OXCT1: variants seen among roughly 807,000 people sequenced by gnomAD.
OXCT1 encodes succinyl-CoA:3-ketoacid coenzyme A transferase 1, mitochondrial.
In OXCT1, 27 loss-of-function variants were observed where a neutral mutation model predicts 69.6. That is an observed-to-expected ratio of 0.39 (90% CI 0.29 to 0.54). The LOEUF (loss-of-function observed/expected upper bound fraction) is 0.54. Among genes scored for constraint, OXCT1 ranks in the 20% least tolerant of loss-of-function variants. The probability of loss-of-function intolerance (pLI) is 0.72; values close to 1 mark genes in which losing one functional copy is unlikely to be tolerated. For missense variants in OXCT1, 437 were observed against 650.2 expected (o/e 0.67, Z 3.57); for synonymous variants, 202 against 217.8 (o/e 0.93, Z 0.64).
rs1742579077 is a variant in OXCT1 at position 41,730,739 on chromosome 5, A to C, written c.*990T>G. On this transcript the variant is annotated 3_prime_UTR_variant, in exon 17 of 17. Coordinates refer to ENST00000196371, the MANE Select transcript of OXCT1 (RefSeq NM_000436.4). ...TCAAATCCTAGACTTGTCCAACATT[A>C]TTTTCCCTAGTTGGATAAGGCTGAA... The C allele has an allele frequency of 6.6e-6, 1 of 152,106 alleles. No individual in the cohort carries two copies. The highest frequency in any genetic ancestry group is 2.1e-4 in the South Asian group (1 of 4,830). 9.4% of individuals were successfully genotyped at this position (152,106 alleles called of 1,614,324 possible).
intron 13 of OXCT1, among the ~76,000 whole-genome samples, chr5:41,790,606 G>A (rs894342794): frequency 6.6e-6 from 1 of 152,116 alleles, no homozygotes; most frequent in African/African-American, 2.4e-5. Flanking sequence ...TCATGATGCT[G>A]AGAACTCATG....
intron 1 of OXCT1, among the ~76,000 whole-genome samples, chr5:41,866,641 G>A (rs1399937949): frequency 6.6e-6 from 1 of 152,200 alleles, no homozygotes; most frequent in Non-Finnish European, 1.5e-5. Context: ...ACCAAAGGTA[G>A]AATTTTCACC....
intron 7 of OXCT1, among the ~76,000 whole-genome samples, chr5:41,835,619 A>T (rs1313268840): frequency 1.3e-5 from 2 of 152,224 alleles, no homozygotes; most frequent in Non-Finnish European, 2.9e-5. Flanking sequence ...CCACAATATA[A>T]ATACAATAAA....
At chr5:41,851,621 A>G (rs1185888610) in intron 4 of OXCT1, among the ~76,000 whole-genome samples, 2 of 152,072 alleles carry the variant, frequency 1.3e-5, no homozygotes, top group East Asian at 3.9e-4. Flanking sequence ...CCTAGCCTTC[A>G]GGCTGCAAAA....
intron 13 of OXCT1, among the ~76,000 whole-genome samples, chr5:41,775,981 G>C (rs1235821257): frequency 6.6e-6 from 1 of 152,026 alleles, no homozygotes; most frequent in Non-Finnish European, 1.5e-5. Flanking sequence ...AACGAAGTAG[G>C]GAAGGGAAAA....
At chr5:41,751,811 G>C (rs1360333866) in intron 14 of OXCT1, among the ~76,000 whole-genome samples, 1 of 152,072 alleles carries the variant, frequency 6.6e-6, no homozygotes, top group East Asian at 1.9e-4. Flanking sequence ...AAACCATATG[G>C]CTCTCCTAAG....
chr5:41,862,335 G>A (rs1480880153), intron 2 of OXCT1, among the ~76,000 whole-genome samples: 1 of 152,040 alleles, frequency 6.6e-6, no homozygotes, highest in Non-Finnish European at 1.5e-5. Context: ...TTGGGATCTA[G>A]GGATTTTTTT....
chr5:41,767,725 T>TAG, intron 13 of OXCT1, among the ~76,000 whole-genome samples: 1 of 87,198 alleles, frequency 1.1e-5, no homozygotes, highest in South Asian at 3.7e-4. Context: ...TGTGTGTGTA[T>TAG]ATATATATAT....
At chr5:41,810,119 T>G (rs989156003) in intron 7 of OXCT1, among the ~76,000 whole-genome samples, 1 of 151,942 alleles carries the variant, frequency 6.6e-6, no homozygotes, top group Non-Finnish European at 1.5e-5. Flanking sequence ...ACTATCTTAA[T>G]GCTAGCTATT....
At chr5:41,856,880 T>G (rs569113601) in intron 3 of OXCT1, among the ~76,000 whole-genome samples, 1 of 152,296 alleles carries the variant, frequency 6.6e-6, no homozygotes, top group East Asian at 1.9e-4. Flanking sequence ...AAGGGCTGTC[T>G]TCCCATTACT....
At chr5:41,755,346 G>C (rs917723585) in intron 14 of OXCT1, among the ~76,000 whole-genome samples, 2 of 151,962 alleles carry the variant, frequency 1.3e-5, no homozygotes, top group African/African-American at 4.8e-5. Flanking sequence ...ACCATGTAAG[G>C]ATTTATAGTT....
chr5:41,813,466 A>G (rs1747083076), intron 7 of OXCT1, among the ~76,000 whole-genome samples: 1 of 152,122 alleles, frequency 6.6e-6, no homozygotes, highest in Non-Finnish European at 1.5e-5. Flanking sequence ...GAAAGATTCC[A>G]TGGAATTATT....
In OXCT1 at chr5:41,870,307, G is replaced by T. The variant is rs765620533; in HGVS notation, c.52C>A (p.Arg18Ser). 6.2e-7 allele frequency: 1 copy of T among 1,613,908 alleles called. No individual in the cohort carries two copies. Among genetic ancestry groups the T allele is most frequent in the Admixed American group, 1.7e-5 (1 of 60,026 alleles). Reference sequence around the variant, plus strand: ...TTGTACCAGGTTGCCCCAGATCCGCGGGCAGAGGCGCAGAGCCGAAGCCCG... The same window carrying T: ...TTGTACCAGGTTGCCCCAGATCCGCTGGCAGAGGCGCAGAGCCGAAGCCCG... Reference protein sequence around the residue: ...SSGLRLCASARGSGATWYKGC... With the variant: ...SSGLRLCASASGSGATWYKGC... Residue 18 changes from arginine (R) to serine (S), a missense_variant, in exon 1 of 17, where the codon CGC becomes AGC. Arg to Ser is a moderately radical substitution (Grantham distance 110). Coordinates refer to ENST00000196371, the MANE Select transcript of OXCT1 (RefSeq NM_000436.4). The surrounding 1 kb of genome is among the most constrained non-coding windows in gnomAD (Gnocchi z 4.2).
chr5:41,845,915 A>T (rs1748877004), intron 5 of OXCT1, among the ~76,000 whole-genome samples: 1 of 152,102 alleles, frequency 6.6e-6, no homozygotes. Context: ...AAATATTTTA[A>T]TGTAAAATTT....
At chr5:41,764,775 C>T (rs753771063) in intron 13 of OXCT1, among the ~76,000 whole-genome samples, 2 of 152,110 alleles carry the variant, frequency 1.3e-5, no homozygotes, top group Non-Finnish European at 2.9e-5. Context: ...GATGCAACTG[C>T]TAACTGTGGC....
chr5:41,851,951 G>A (rs902354491), intron 4 of OXCT1, among the ~76,000 whole-genome samples: 1 of 152,080 alleles, frequency 6.6e-6, no homozygotes, highest in African/African-American at 2.4e-5. Flanking sequence ...GGCCTATAAG[G>A]AGGTCATCAA....
intron 8 of OXCT1, among the ~76,000 whole-genome samples, chr5:41,806,173 C>T (rs1746669879): frequency 6.6e-6 from 1 of 152,066 alleles, no homozygotes; most frequent in Admixed American, 6.6e-5. Flanking sequence ...AGAAACCAGC[C>T]AGGAAACTAT....
intron 5 of OXCT1, among the ~76,000 whole-genome samples, chr5:41,848,629 G>A (rs1209022431): frequency 6.6e-6 from 1 of 150,518 alleles, no homozygotes; most frequent in African/African-American, 2.4e-5. Flanking sequence ...AAATAACACC[G>A]CATATCTACA....
chr5:41,851,771 A>T (rs1343663699), intron 4 of OXCT1, among the ~76,000 whole-genome samples: 1 of 152,232 alleles, frequency 6.6e-6, no homozygotes, highest in Non-Finnish European at 1.5e-5. Context: ...ATAAGGAGTA[A>T]CATAAAAGAT....
Sources: gnomAD v4.1 joint callset for allele counts (sites outside exome capture counted in the v4.1 genomes callset) on GRCh38, gnomAD v4.1.1 for gene constraint, Gnocchi (gnomAD v3.1) non-coding constraint, MANE v1.5 for transcripts, NCBI Gene and HGNC (gene_info 2026-07-23, HGNC 2026-07-21) for gene names.